SLC9A1: variants seen among roughly 807,000 people sequenced by gnomAD.
SLC9A1 encodes the protein sodium/hydrogen exchanger 1.
A neutral mutation model predicts 67.9 loss-of-function variants in SLC9A1; 22 were observed. The ratio of observed to expected loss-of-function variants is 0.32; its 90% confidence interval spans 0.23 to 0.46. The LOEUF (loss-of-function observed/expected upper bound fraction) is 0.46, where lower values mean the gene tolerates loss of function less well. Ranked by LOEUF, SLC9A1 falls within the 20% of genes least tolerant of loss-of-function variation. SLC9A1 has a pLI of 1.00. For synonymous variants in SLC9A1, 421 were observed against 471.8 expected (o/e 0.89, Z 1.40); for missense variants, 686 against 1,094.8 (o/e 0.63, Z 5.27).
intron 1 of SLC9A1, among the ~76,000 whole-genome samples, chr1:27,119,657 G>C (rs1460731130): frequency 1.3e-5 from 2 of 152,180 alleles, no homozygotes; most frequent in African/African-American, 2.4e-5. Flanking sequence ...TACAGATGAG[G>C]AAACTGAAGC....
chr1:27,139,205 C>T (rs2083438487), intron 1 of SLC9A1, among the ~76,000 whole-genome samples: 1 of 152,158 alleles, frequency 6.6e-6, no homozygotes. Context: ...CTGCAAAGAG[C>T]CTTAACCGGT....
At chr1:27,105,466 T>G in intron 5 of SLC9A1, 3 of 486,780 alleles carry the variant, frequency 6.2e-6, no homozygotes, top group Middle Eastern at 5.6e-4. Context: ...TGCCCACTAA[T>G]TTTGTATTTT....
intron 4 of SLC9A1, 136 bp downstream of exon 4, chr1:27,107,512 A>ACCACATGC: frequency 1.5e-6 from 1 of 682,160 alleles, no homozygotes; most frequent in Non-Finnish European, 2.6e-6. Context: ...TATACACTGC[A>ACCACATGC]CCACATGCAC....
At chr1:27,153,756 T>C (rs2083547087) in intron 1 of SLC9A1, among the ~76,000 whole-genome samples, 1 of 152,226 alleles carries the variant, frequency 6.6e-6, no homozygotes, top group South Asian at 2.1e-4. Flanking sequence ...TCTCTAATCC[T>C]GCTCTCTTCT....
At chr1:27,104,911 G>T (rs1327327228) in intron 5 of SLC9A1, among the ~76,000 whole-genome samples, 1 of 152,200 alleles carries the variant, frequency 6.6e-6, no homozygotes, top group East Asian at 1.9e-4. Context: ...ACCATCACAG[G>T]CTGGGCTTCC....
In SLC9A1 at chr1:27,131,947, A is replaced by AAAATATATATATATAT; in HGVS notation, c.353-17662_353-17661insATATATATATATATTT. ...AAAAGAAGAAGAAGAAGAAAAAAAA[A>AAAATATATATATATAT]ATATATATATATATATATATATATA... On this transcript the variant is annotated intron_variant, in intron 1 of 11. Transcript: ENST00000263980. Among the ~76,000 whole-genome samples the AAAATATATATATATAT allele has an allele frequency of 1.2e-4, 6 of 52,120 alleles. 1 individual carries two copies. The highest frequency in any genetic ancestry group is 6.2e-4 in the South Asian group (1 of 1,620). 34.2% of individuals were successfully genotyped at this position (52,120 alleles called of 152,430 possible). A position where few individuals can be genotyped will look rare whatever the true frequency, so the allele number is the denominator to read the frequency against.
chr1:27,125,327 C>A (rs2124175165), intron 1 of SLC9A1, among the ~76,000 whole-genome samples: 1 of 126,876 alleles, frequency 7.9e-6, no homozygotes, highest in South Asian at 2.8e-4. Flanking sequence ...CTCACTTCAA[C>A]CTCCGCCTCC....
At chr1:27,128,172 T>C (rs886433597) in intron 1 of SLC9A1, among the ~76,000 whole-genome samples, 8 of 152,150 alleles carry the variant, frequency 5.3e-5, no homozygotes, top group Non-Finnish European at 1.0e-4. Context: ...CTCTGGTCCA[T>C]CAATGAGGGA....
At chr1:27,139,407 TAGCTGTA>T in intron 1 of SLC9A1, among the ~76,000 whole-genome samples, 1 of 152,206 alleles carries the variant, frequency 6.6e-6, no homozygotes, top group East Asian at 1.9e-4. Flanking sequence ...TTTCCTAAAG[TAGCTGTA>T]AGCTAAATAA....
At chr1:27,131,637 A>G (rs1034114655) in intron 1 of SLC9A1, among the ~76,000 whole-genome samples, 25 of 150,860 alleles carry the variant, frequency 1.7e-4, no homozygotes, top group African/African-American at 3.7e-4. Flanking sequence ...AGTCCCAGCT[A>G]CTCAGAAGGC....
At chr1:27,148,120 T>C (rs1270101754) in intron 1 of SLC9A1, among the ~76,000 whole-genome samples, 1 of 152,134 alleles carries the variant, frequency 6.6e-6, no homozygotes, top group African/African-American at 2.4e-5. Context: ...CCATCCTACA[T>C]GTTTTCCATT....
chr1:27,115,735 CA>C lies in SLC9A1; in HGVS notation c.353-1450del, dbSNP rs112070851. Reference sequence around the variant, plus strand: ...CAGGAAGATCACTTGAGCCCAGCCTCAAAAAAAAAAAAGAAAGAAGAAAGCA... The same window carrying C: ...CAGGAAGATCACTTGAGCCCAGCCTCAAAAAAAAAAAGAAAGAAGAAAGCA... On this transcript the variant is annotated intron_variant, in intron 1 of 11. Coordinates refer to ENST00000263980, the MANE Select transcript of SLC9A1 (RefSeq NM_003047.5). Among the ~76,000 whole-genome samples, 1,231 of 138,872 alleles carry C rather than the reference CA, an allele frequency of 8.9e-3. 4 individuals carry two copies. Among genetic ancestry groups the C allele is most frequent in the Middle Eastern group, 0.014 (4 of 276 alleles). 91.1% of individuals were successfully genotyped at this position (138,872 alleles called of 152,430 possible).
chr1:27,103,151 C>T, intron 6 of SLC9A1, 72 bp downstream of exon 6: 1 of 1,153,534 alleles, frequency 8.7e-7, no homozygotes, highest in Non-Finnish European at 1.3e-6. Context: ...GGGGCAGAGA[C>T]TTGAGGCCCA....
At chr1:27,134,592 G>A (rs548393538) in intron 1 of SLC9A1, among the ~76,000 whole-genome samples, 41 of 152,220 alleles carry the variant, frequency 2.7e-4, no homozygotes, top group Middle Eastern at 3.4e-3. Context: ...AAATCTGCCC[G>A]GCCAGGGTGA....
chr1:27,144,093 G>C (rs2083467608), intron 1 of SLC9A1, among the ~76,000 whole-genome samples: 1 of 152,038 alleles, frequency 6.6e-6, no homozygotes, highest in Non-Finnish European at 1.5e-5. Flanking sequence ...GGAGATTCTG[G>C]CCCAGCCCAC....
In SLC9A1 at chr1:27,118,915, A is replaced by G. The variant is rs1570599; in HGVS notation, c.353-4629T>C. Among the ~76,000 whole-genome samples, 148,105 of 152,154 alleles carry G rather than the reference A, an allele frequency of 0.97. 72,115 individuals are homozygous for G. The highest frequency in any genetic ancestry group is 1 in the East Asian group (5,160 of 5,162). ...AAGGAGGCACGAAAGTGTGGAATTC[A>G]ACATCTCCAAGCACAGCCACAGGCC... is the stretch of plus-strand genomic sequence containing the variant. On this transcript the variant is annotated intron_variant, in intron 1 of 11. Coordinates refer to ENST00000263980, the MANE Select transcript of SLC9A1 (RefSeq NM_003047.5). This position sits in a 1 kb window ranked among gnomAD's most constrained non-coding sequence, Gnocchi z 4.3.
intron 2 of SLC9A1, among the ~76,000 whole-genome samples, chr1:27,112,930 T>C (rs1052508411): frequency 4.0e-5 from 6 of 150,014 alleles, no homozygotes; most frequent in South Asian, 2.1e-4. Context: ...AGGTATAGCA[T>C]TTGCTTAAGG....
At chr1:27,113,521 G>A (rs2083244823) in intron 2 of SLC9A1, among the ~76,000 whole-genome samples, 2 of 152,154 alleles carry the variant, frequency 1.3e-5, no homozygotes, top group Admixed American at 6.5e-5. Flanking sequence ...AAGAGCTTAG[G>A]CCCTGGAGTC....
At chr1:27,135,525 G>GAA (rs36107223) in intron 1 of SLC9A1, among the ~76,000 whole-genome samples, 8,347 of 109,850 alleles carry the variant, frequency 0.076, 533 homozygotes, top group African/African-American at 0.16. Context: ...CTTTTTTCTG[G>GAA]AAAAAAAAAA....
Sources: allele counts gnomAD v4.1 joint callset (sites outside exome capture counted in the v4.1 genomes callset), GRCh38; gene constraint gnomAD v4.1.1; non-coding constraint Gnocchi (gnomAD v3.1); transcripts MANE v1.5; gene names NCBI Gene and HGNC (gene_info 2026-07-23, HGNC 2026-07-21).